The following ABCB1 variants were observed in gnomAD, a reference collection of about 807,000 sequenced individuals.
ABCB1 encodes the protein ATP-dependent translocase ABCB1.
A neutral mutation model predicts 142.0 loss-of-function variants in ABCB1; 69 were observed. That is an observed-to-expected ratio of 0.49 (90% CI 0.40 to 0.59). The LOEUF (loss-of-function observed/expected upper bound fraction) is 0.59. Ranked by LOEUF, ABCB1 falls within the 20% of genes least tolerant of loss-of-function variation. ABCB1 has a pLI of 0.00. For synonymous variants in ABCB1, 532 were observed against 539.2 expected (o/e 0.99, Z 0.18); for missense variants, 1,326 against 1,554.7 (o/e 0.85, Z 2.47).
chr7:87,519,680 T>G (rs1175891310), intron 22 of ABCB1, among the ~76,000 whole-genome samples: 1 of 152,224 alleles, frequency 6.6e-6, no homozygotes, highest in Non-Finnish European at 1.5e-5. Flanking sequence ...ATCTTTAATG[T>G]AGAATTAACT....
At chr7:87,569,101 G>C (rs893953494) in intron 5 of ABCB1, among the ~76,000 whole-genome samples, 1 of 152,254 alleles carries the variant, frequency 6.6e-6, no homozygotes, top group East Asian at 1.9e-4. Flanking sequence ...GGAAGGCCAA[G>C]GTGGGTGGAT....
In ABCB1 at chr7:87,663,821, G is replaced by A. The variant is rs553082876; in HGVS notation, c.-331+49340C>T. On this transcript the variant is annotated intron_variant, in intron 1 of 28. Coordinates refer to the ABCB1 transcript ENST00000265724. Reference sequence around the variant, plus strand: ...TATTGGCTGATTTGCTTTCTGGCAAGCATTCTCCTTCTGGCTTGTAGGTGG... The same window carrying A: ...TATTGGCTGATTTGCTTTCTGGCAAACATTCTCCTTCTGGCTTGTAGGTGG... Among the ~76,000 whole-genome samples, 3 of 152,236 alleles carry A rather than the reference G, an allele frequency of 2.0e-5. No homozygotes were observed. The East Asian group carries it at 5.8e-4, about 29-fold the overall frequency.
chr7:87,555,940 C>T (rs1420462240), intron 8 of ABCB1, among the ~76,000 whole-genome samples: 4 of 152,118 alleles, frequency 2.6e-5, no homozygotes, highest in Non-Finnish European at 4.4e-5. Flanking sequence ...CCAGAGGAAA[C>T]ATTTGCACAG....
At chr7:87,660,222 TG>T (rs1457491853) in intron 1 of ABCB1, among the ~76,000 whole-genome samples, 1 of 152,088 alleles carries the variant, frequency 6.6e-6, no homozygotes, top group Non-Finnish European at 1.5e-5. Context: ...CTGGGTCAAA[TG>T]GTGAGTGTGA....
chr7:87,536,920 G>A (rs1816319564), intron 19 of ABCB1: 1 of 286,794 alleles, frequency 3.5e-6, no homozygotes, highest in African/African-American at 2.2e-5. Context: ...ACTGGGGAGG[G>A]GAAACAGAAG....
intron 1 of ABCB1, among the ~76,000 whole-genome samples, chr7:87,665,709 A>G (rs1189918108): frequency 2.0e-5 from 3 of 152,096 alleles, no homozygotes; most frequent in Non-Finnish European, 4.4e-5. Context: ...ACTCTCAAGT[A>G]GACCTCAGAG....
At chr7:87,682,553 T>C (rs1827033026) in intron 1 of ABCB1, among the ~76,000 whole-genome samples, 1 of 152,246 alleles carries the variant, frequency 6.6e-6, no homozygotes, top group Non-Finnish European at 1.5e-5. Context: ...AATCTCCTGG[T>C]ACATCTCTGT....
chr7:87,603,374 A>G (rs1329738934), upstream of ABCB1, among the ~76,000 whole-genome samples: 1 of 152,146 alleles, frequency 6.6e-6, no homozygotes, highest in Non-Finnish European at 1.5e-5. Context: ...TCCCTCTCTC[A>G]TAACTGTACT....
intron 1 of ABCB1, among the ~76,000 whole-genome samples, chr7:87,648,944 A>G (rs1239403603): frequency 6.6e-6 from 1 of 151,924 alleles, no homozygotes; most frequent in Non-Finnish European, 1.5e-5. Context: ...ATCTTTCTAT[A>G]TTTCCCTTTA....
At chr7:87,570,891 A>G (rs1338586689) in intron 4 of ABCB1, among the ~76,000 whole-genome samples, 1 of 152,138 alleles carries the variant, frequency 6.6e-6, no homozygotes, top group Non-Finnish European at 1.5e-5. Context: ...TTTTTTAACA[A>G]TGGAGTCATA....
chr7:87,633,881 C>T (rs891308372), intron 1 of ABCB1, among the ~76,000 whole-genome samples: 19 of 151,986 alleles, frequency 1.3e-4, no homozygotes, highest in African/African-American at 4.6e-4. Context: ...TAAAGGAATA[C>T]CTGAGGTGGG....
At chr7:87,660,234 G>A (rs919527927) in intron 1 of ABCB1, among the ~76,000 whole-genome samples, 1 of 152,092 alleles carries the variant, frequency 6.6e-6, no homozygotes, top group Non-Finnish European at 1.5e-5. Flanking sequence ...GTGAGTGTGA[G>A]TGAGTGTATT....
At chr7:87,591,102 G>T (rs1470665475) in intron 3 of ABCB1, among the ~76,000 whole-genome samples, 1 of 152,144 alleles carries the variant, frequency 6.6e-6, no homozygotes, top group Non-Finnish European at 1.5e-5. Context: ...TAATTACAAG[G>T]GTGCTTATAA....
At chr7:87,655,096 G>A (rs182816693) in intron 1 of ABCB1, among the ~76,000 whole-genome samples, 146 of 152,164 alleles carry the variant, frequency 9.6e-4, no homozygotes, top group African/African-American at 3.4e-3. Flanking sequence ...ATTTAGAACA[G>A]CCATTACAGA....
At chr7:87,635,413 T>A (rs1403204052) in intron 1 of ABCB1, among the ~76,000 whole-genome samples, 2 of 152,212 alleles carry the variant, frequency 1.3e-5, no homozygotes, top group Non-Finnish European at 2.9e-5. Flanking sequence ...CTGTGTTTAG[T>A]GCCAACAATT....
intron 6 of ABCB1, 106 bp from the exon 7 acceptor site, chr7:87,566,347 T>G: frequency 8.6e-7 from 1 of 1,166,106 alleles, no homozygotes; most frequent in Non-Finnish European, 1.3e-6. Context: ...GAGTATTTTG[T>G]GCCTATGCTT....
At chr7:87,700,324 T>C in intron 1 of ABCB1, 1 of 1,065,882 alleles carries the variant, frequency 9.4e-7, no homozygotes, top group Non-Finnish European at 1.3e-6. Context: ...TAGTTCACTA[T>C]ATTACCTTTA....
intron 1 of ABCB1, among the ~76,000 whole-genome samples, chr7:87,683,747 A>G (rs1021645787): frequency 1.3e-5 from 2 of 152,244 alleles, no homozygotes; most frequent in Non-Finnish European, 2.9e-5. Flanking sequence ...AGAATTACCA[A>G]AACATGACAG....
intron 17 of ABCB1, among the ~76,000 whole-genome samples, chr7:87,542,944 A>G (rs561290453): frequency 2.0e-4 from 31 of 152,232 alleles, no homozygotes; most frequent in African/African-American, 7.5e-4. Flanking sequence ...TGGACCATAT[A>G]CTCTACAGAA....
Sources: allele counts gnomAD v4.1 joint callset (sites outside exome capture counted in the v4.1 genomes callset), GRCh38; gene constraint gnomAD v4.1.1; transcripts MANE v1.5; gene names NCBI Gene and HGNC (gene_info 2026-07-23, HGNC 2026-07-21).